TGM3: variants seen among roughly 807,000 people sequenced by gnomAD.
The protein encoded by TGM3 is transglutaminase 3.
A neutral mutation model predicts 73.8 loss-of-function variants in TGM3; 52 were observed. The ratio of observed to expected loss-of-function variants is 0.70; its 90% CI spans 0.56 to 0.89. The LOEUF (loss-of-function observed/expected upper bound fraction) is 0.89. Among genes scored for constraint, TGM3 ranks in the 40% least tolerant of loss-of-function variants. TGM3 has a pLI of 0.00. For missense variants in TGM3, 928 were observed against 909.9 expected, an observed-to-expected ratio of 1.02 and a Z score of -0.26; for synonymous variants, 372 against 354.9, an observed-to-expected ratio of 1.05 and a Z score of -0.54.
At position 2,340,620 on chromosome 20, in the gene TGM3, G is replaced by A. The variant is rs369464980; in HGVS notation, c.*39G>A. 6.4e-5 allele frequency: 104 copies of A among 1,613,094 alleles called. No individual in the cohort carries two copies. Among genetic ancestry groups the A allele is most frequent in the African/African-American group, 5.3e-4 (40 of 74,884 alleles). On this transcript the variant is annotated 3_prime_UTR_variant, in exon 13 of 13. Coordinates refer to ENST00000381458, the MANE Select transcript of TGM3 (RefSeq NM_003245.4). ...CCTCCCGTACAAACTTGGACAACACGGAGCAGGGAGAGCTCACCATGGAAT... is the reference window on the plus strand; with the variant it reads ...CCTCCCGTACAAACTTGGACAACACAGAGCAGGGAGAGCTCACCATGGAAT...
At chr20:2,322,855 A>G (rs564056584) in intron 7 of TGM3, among the ~76,000 whole-genome samples, 1 of 152,364 alleles carries the variant, frequency 6.6e-6, no homozygotes, top group East Asian at 1.9e-4. Flanking sequence ...GTAATGAGTA[A>G]TTGACATGAT....
At position 2,340,998 on chromosome 20, in the gene TGM3, C is replaced by G. The variant is rs1415794171; in HGVS notation, c.*417C>G. The G allele has an allele frequency of 6.5e-6, 3 of 458,074 alleles. No homozygotes were observed. Among genetic ancestry groups the G allele is most frequent in the South Asian group, 1.5e-5 (1 of 64,520 alleles). 28.4% of individuals were successfully genotyped at this position (458,074 alleles called of 1,614,324 possible). A position where few individuals can be genotyped will look rare whatever the true frequency, so the allele number is the denominator to read the frequency against. On this transcript the variant is annotated 3_prime_UTR_variant, in exon 13 of 13. Transcript: ENST00000381458. ...TTCCTGCTTCTCTCTCAGGCCACCACAGAGGGCAGGGGATGGTTAGTCACC... is the reference window on the plus strand; with the variant it reads ...TTCCTGCTTCTCTCTCAGGCCACCAGAGAGGGCAGGGGATGGTTAGTCACC...
chr20:2,300,118 A>T (rs1042091705), intron 1 of TGM3, among the ~76,000 whole-genome samples: 1 of 151,692 alleles, frequency 6.6e-6, no homozygotes, highest in African/African-American at 2.4e-5. Flanking sequence ...AAAAAAAATA[A>T]AGAAAGAAAG....
chr20:2,299,852 C>T (rs533025502), intron 1 of TGM3, among the ~76,000 whole-genome samples: 1 of 152,300 alleles, frequency 6.6e-6, no homozygotes, highest in Admixed American at 6.5e-5. Context: ...AATCCCAGCA[C>T]ATTGGGAGGT....
chr20:2,321,664 G>A (rs1327473579), intron 7 of TGM3, among the ~76,000 whole-genome samples: 1 of 152,320 alleles, frequency 6.6e-6, no homozygotes, highest in African/African-American at 2.4e-5. Flanking sequence ...GGATAGTTCT[G>A]ATGCCCGCAG....
At chr20:2,324,756 G>A (rs750405303) in intron 7 of TGM3, among the ~76,000 whole-genome samples, 5 of 152,158 alleles carry the variant, frequency 3.3e-5, no homozygotes, top group Non-Finnish European at 7.3e-5. Context: ...CTTGCTCCAT[G>A]TACTTTACCC....
chr20:2,332,148 G>C lies in TGM3; in HGVS notation c.1480G>C (p.Ala494Pro). The C allele has an allele frequency of 1.9e-6, 3 of 1,614,180 alleles. No homozygotes were observed. Among genetic ancestry groups the C allele is most frequent in the Non-Finnish European group, 2.5e-6 (3 of 1,180,030 alleles). ...IGKLKVAGML[A>P]VGKEVNLVLL... ...GAAGCTGAAGGTCGCTGGCATGCTG[G>C]CAGTAGGCAAAGAAGTCAACCTGGT... The change falls in exon 10 of 13, where the codon GCA becomes CCA. Residue 494 changes from alanine to proline, a missense_variant. Transcript: ENST00000381458. This position sits in a 1 kb window ranked among gnomAD's most constrained non-coding sequence, Gnocchi z 4.4.
chr20:2,340,010 C>A (rs376787829), intron 12 of TGM3, 23 bp downstream of exon 12: 2 of 318,578 alleles, frequency 6.3e-6, no homozygotes, highest in African/African-American at 7.0e-5. Flanking sequence ...CCTAAGTGGC[C>A]GGTGCAGGAG....
Position 2,340,680 on chromosome 20 carries a change from C to T in TGM3, c.*99C>T, listed in dbSNP as rs1005525811. ...GCCCATGCTGTCCGGCCTGGGAAAC[C>T]CTCTCCATCTCCCAAGGCTGCCAGA... On this transcript the variant is annotated 3_prime_UTR_variant, in exon 13 of 13. Transcript: ENST00000381458. 3 of 1,495,458 alleles carry T rather than the reference C, an allele frequency of 2.0e-6. No homozygotes were observed. The highest frequency in any genetic ancestry group is 2.7e-6 in the Non-Finnish European group (3 of 1,091,580). 92.6% of individuals were successfully genotyped at this position (1,495,458 alleles called of 1,614,324 possible).
At chr20:2,339,601 G>A (rs1423383407) in intron 11 of TGM3, among the ~76,000 whole-genome samples, 1 of 152,114 alleles carries the variant, frequency 6.6e-6, no homozygotes, top group Admixed American at 6.5e-5. Flanking sequence ...GGCTGCTGCA[G>A]GGGGCCCCTT....
At chr20:2,331,685 T>C (rs917550727) in intron 9 of TGM3, among the ~76,000 whole-genome samples, 3 of 152,234 alleles carry the variant, frequency 2.0e-5, no homozygotes, top group African/African-American at 7.2e-5. Flanking sequence ...ACAAAAGACA[T>C]TTTATCAGAA....
rs1600708609 is a variant in TGM3 at position 2,334,353 on chromosome 20, T to C, written c.1643-763T>C. On this transcript the variant is annotated intron_variant, in intron 10 of 12. Coordinates refer to ENST00000381458, the MANE Select transcript of TGM3 (RefSeq NM_003245.4). The surrounding 1 kb of genome is among the most constrained non-coding windows in gnomAD (Gnocchi z 4.0). ...GAGGAGCCACGGAAGATTTTTGAAG[T>C]CACATGTGACACAGAAGAAGAGTGA... Among the ~76,000 whole-genome samples the C allele has an allele frequency of 6.6e-6, 1 of 152,198 alleles. No homozygotes were observed. Among genetic ancestry groups the C allele is most frequent in the Middle Eastern group, 3.4e-3 (1 of 294 alleles).
intron 1 of TGM3, among the ~76,000 whole-genome samples, chr20:2,306,836 C>G (rs780392074): frequency 2.6e-5 from 4 of 152,132 alleles, no homozygotes; most frequent in Non-Finnish European, 5.9e-5. Context: ...CTGGGATGCA[C>G]AGAAAGTAGT....
At chr20:2,304,603 C>T (rs1345010144) in intron 1 of TGM3, among the ~76,000 whole-genome samples, 1 of 152,208 alleles carries the variant, frequency 6.6e-6, no homozygotes, top group Non-Finnish European at 1.5e-5. Context: ...ACCACAGTGA[C>T]AGGGTAGAGT....
Position 2,309,672 on chromosome 20 carries a change from G to A in TGM3, c.23G>A (p.Ser8Asn), listed in dbSNP as rs748451051. The change falls in exon 2 of 13, where the codon AGT becomes AAT. Residue 8 changes from serine (S) to asparagine (N), a missense_variant. Ser to Asn is a conservative substitution (Grantham distance 46). Coordinates refer to ENST00000381458, the MANE Select transcript of TGM3 (RefSeq NM_003245.4). MAALGVQ[S>N]INWQTAFNRQ... ...TGCCTCACAGCTCTAGGAGTCCAGA[G>A]TATCAACTGGCAGACGGCCTTCAAC... is the stretch of plus-strand genomic sequence containing the variant. 11 of 1,613,948 alleles carry A rather than the reference G, an allele frequency of 6.8e-6. No homozygotes were observed. Among genetic ancestry groups the A allele is most frequent in the East Asian group, 2.2e-5 (1 of 44,888 alleles).
At position 2,332,362 on chromosome 20, in the gene TGM3, CCTT is replaced by C. The variant is rs776117191; in HGVS notation, c.1642+55_1642+57del. ...TCCACGAATCCGAGGTAGCCAATGG[CCTT>C]CTGGGGCTGCAGGGTGTCTGCTGGG... On this transcript the variant is annotated intron_variant, in intron 10 of 12. Transcript: ENST00000381458. The surrounding 1 kb of genome is among the most constrained non-coding windows in gnomAD (Gnocchi z 4.4). 2.6e-5 allele frequency: 39 copies of C among 1,493,118 alleles called. No individual in the cohort carries two copies. Among genetic ancestry groups the C allele is most frequent in the Admixed American group, 6.5e-5 (3 of 45,816 alleles). The allele number at this position is 1,493,118 out of a possible 1,614,324, so 92.5% of individuals were successfully genotyped here. A position where few individuals can be genotyped will look rare whatever the true frequency, so the allele number is the denominator to read the frequency against.
rs2084303478 is a variant in TGM3 at position 2,328,573 on chromosome 20, G to C, written c.1333+208G>C. Among the ~76,000 whole-genome samples the C allele has an allele frequency of 6.6e-6, 1 of 152,228 alleles. No homozygotes were observed. Among genetic ancestry groups the C allele is most frequent in the African/African-American group, 2.4e-5 (1 of 41,454 alleles). ...CATCACGGGCAGCTGTTGTGCCAGTGGAAGTTTGCTGCAGGGCACAGGTGG... is the reference window on the plus strand; with the variant it reads ...CATCACGGGCAGCTGTTGTGCCAGTCGAAGTTTGCTGCAGGGCACAGGTGG... On this transcript the variant is annotated intron_variant, in intron 9 of 12. Transcript: ENST00000381458. This position sits in a 1 kb window ranked among gnomAD's most constrained non-coding sequence, Gnocchi z 5.2.
At chr20:2,312,748 A>G in intron 4 of TGM3, 150 bp from the exon 5 acceptor site, 1 of 1,083,200 alleles carries the variant, frequency 9.2e-7, no homozygotes, top group Non-Finnish European at 1.3e-6. Context: ...AGGGCTGGGC[A>G]TGGTGGCTGT....
rs536729900 is a variant in TGM3 at position 2,313,631 on chromosome 20, ACACT to A, written c.669+609_669+612del. The stretch of plus-strand genomic sequence containing the variant: ...CCCTACAACACACACAAACACACAC[ACACT>A]CACACAATCACACACACTCTCTCTC... On this transcript the variant is annotated intron_variant, in intron 5 of 12. Transcript: ENST00000381458. Among the ~76,000 whole-genome samples, 941 of 146,614 alleles carry A rather than the reference ACACT, an allele frequency of 6.4e-3. 6 individuals are homozygous for A. The highest frequency in any genetic ancestry group is 0.01 in the Non-Finnish European group (671 of 66,066).
Sources: allele counts gnomAD v4.1 joint callset (sites outside exome capture counted in the v4.1 genomes callset), GRCh38; gene constraint gnomAD v4.1.1; non-coding constraint Gnocchi (gnomAD v3.1); transcripts MANE v1.5; gene names NCBI Gene and HGNC (gene_info 2026-07-23, HGNC 2026-07-21).